TMEM184C: variants seen among roughly 807,000 people sequenced by gnomAD.
TMEM184C encodes the protein transmembrane protein 184C, also known as transmembrane protein 34.
In TMEM184C, 25 loss-of-function variants were observed where a neutral mutation model predicts 54.5. That is an observed-to-expected ratio of 0.46 (90% CI 0.33 to 0.64). The LOEUF (loss-of-function observed/expected upper bound fraction) is 0.64, where lower values mean the gene tolerates loss of function less well. TMEM184C is among the 30% of genes least tolerant of loss of function. The pLI, the probability that TMEM184C is intolerant of heterozygous loss-of-function variation, is 0.02. For synonymous variants in TMEM184C, 148 were observed against 181.5 expected (o/e 0.82, Z 1.49); for missense variants, 335 against 520.3 (o/e 0.64, Z 3.46).
In TMEM184C at chr4:147,631,287, AG is replaced by A. The variant is rs1187573418; in HGVS notation, c.667-105del. 6.7e-6 allele frequency: 5 copies of A among 743,426 alleles called. No individual in the cohort carries two copies. In the African/African-American group the frequency reaches 7.4e-5, roughly 11 times the overall value. 46.1% of individuals were successfully genotyped at this position (743,426 alleles called of 1,614,324 possible). A position where few individuals can be genotyped will look rare whatever the true frequency, so the allele number is the denominator to read the frequency against. The stretch of plus-strand genomic sequence containing the variant: ...AAAATAGAATAATAAAGCCTAGAAA[AG>A]TTTGCCTGAAACATTACTCTGTACC... On this transcript the variant is annotated intron_variant, in intron 6 of 9. Coordinates refer to ENST00000296582, the MANE Select transcript of TMEM184C (RefSeq NM_018241.3).
At chr4:147,623,120 G>A (rs747164469) in intron 1 of TMEM184C, among the ~76,000 whole-genome samples, 5 of 151,852 alleles carry the variant, frequency 3.3e-5, no homozygotes, top group Non-Finnish European at 4.4e-5. Context: ...TTTATCTTTG[G>A]CCCCTGGTAG....
chr4:147,622,593 C>T (rs1053789541), intron 1 of TMEM184C, among the ~76,000 whole-genome samples: 1 of 152,054 alleles, frequency 6.6e-6, no homozygotes, highest in Non-Finnish European at 1.5e-5. Flanking sequence ...CTAATCCCCA[C>T]ATATAAGTGG....
Position 147,629,203 on chromosome 4 carries a change from A to G in TMEM184C, c.573-396A>G, listed in dbSNP as rs534365167. On this transcript the variant is annotated intron_variant, in intron 5 of 9. Coordinates refer to ENST00000296582, the MANE Select transcript of TMEM184C (RefSeq NM_018241.3). ...TACCTCCAAGACAATTGAGGGGAAAAAATTAACAACTACAGTTATATACAC... is the reference window on the plus strand; with the variant it reads ...TACCTCCAAGACAATTGAGGGGAAAGAATTAACAACTACAGTTATATACAC... Among the ~76,000 whole-genome samples, 6 of 152,164 alleles carry G rather than the reference A, an allele frequency of 3.9e-5. No individual in the cohort carries two copies. The East Asian group carries it at 1.2e-3, about 29-fold the overall frequency.
At chr4:147,619,261 G>C (rs1455933836) in intron 1 of TMEM184C, among the ~76,000 whole-genome samples, 2 of 151,530 alleles carry the variant, frequency 1.3e-5, no homozygotes, top group African/African-American at 2.4e-5. Context: ...GCAGTGGCGC[G>C]ATCTTGGCTC....
At chr4:147,626,480 A>G (rs1306896994) in intron 4 of TMEM184C, among the ~76,000 whole-genome samples, 2 of 152,340 alleles carry the variant, frequency 1.3e-5, no homozygotes, top group East Asian at 3.9e-4. Flanking sequence ...GCCAAGGTAA[A>G]TGGAGGTAGA....
intron 1 of TMEM184C, among the ~76,000 whole-genome samples, chr4:147,621,680 T>G (rs1732711827): frequency 6.6e-6 from 1 of 152,140 alleles, no homozygotes; most frequent in Admixed American, 6.5e-5. Context: ...ATAATTAAAA[T>G]TAATGACATT....
rs1048016737 is a variant in TMEM184C at position 147,617,821 on chromosome 4, G to A, written c.-136G>A. 1 of 1,258,654 alleles carries A rather than the reference G, an allele frequency of 7.9e-7. No homozygotes were observed. Among genetic ancestry groups the A allele is most frequent in the African/African-American group, 1.5e-5 (1 of 68,056 alleles). 78.0% of individuals were successfully genotyped at this position (1,258,654 alleles called of 1,614,324 possible). On this transcript the variant is annotated 5_prime_UTR_variant, in exon 1 of 10. Transcript: ENST00000296582. ...ACAGCGCCGGTCCAGGAGGCGGCTC[G>A]AGCTGTTCGTAAAGTCGCCCGACAG...
rs1732786223 is a variant in TMEM184C, at chr4:147,624,969, T to A, written c.457T>A (p.Phe153Ile). ...ILEAKDQQKH[F>I]PPLCCCPPWA... ...TGAAGCCAAAGATCAACAGAAACAT[T>A]TCCCTCCTTTATGTTGCTGTCCACC... Residue 153 changes from phenylalanine to isoleucine, a missense_variant, in exon 4 of 10, where the codon TTC becomes ATC. Phe to Ile is a conservative substitution (Grantham distance 21). Transcript: ENST00000296582. 1.2e-6 allele frequency: 2 copies of A among 1,613,960 alleles called. No homozygotes were observed. Among genetic ancestry groups the A allele is most frequent in the Non-Finnish European group, 1.7e-6 (2 of 1,179,884 alleles).
At chr4:147,629,739 A>G (rs1163215637) in intron 6 of TMEM184C, 47 bp downstream of exon 6, 2 of 1,352,492 alleles carry the variant, frequency 1.5e-6, no homozygotes, top group African/African-American at 1.5e-5. Flanking sequence ...ATTCGTATCT[A>G]TAACTAAATT....
intron 4 of TMEM184C, among the ~76,000 whole-genome samples, chr4:147,627,514 C>T (rs144532703): frequency 0.011 from 1,599 of 152,284 alleles, 40 homozygotes; most frequent in African/African-American, 0.037. Flanking sequence ...AAGTGATCCA[C>T]CTGCCTCGGC....
chr4:147,628,436 G>C lies in TMEM184C; in HGVS notation c.572+1G>C, dbSNP rs370966802. On this transcript the variant is annotated splice_donor_variant, in intron 5 of 9. Coordinates refer to ENST00000296582, the MANE Select transcript of TMEM184C (RefSeq NM_018241.3). LOFTEE classifies it high-confidence loss of function. ...GACCTTTCACCACCATCGTTGCTTTGTAAGTACTCGGATTTTATATGAACT... is the reference window on the plus strand; with the variant it reads ...GACCTTTCACCACCATCGTTGCTTTCTAAGTACTCGGATTTTATATGAACT... The C allele has an allele frequency of 3.1e-6, 5 of 1,612,878 alleles. No individual in the cohort carries two copies. Among genetic ancestry groups the C allele is most frequent in the Non-Finnish European group, 4.2e-6 (5 of 1,179,534 alleles).
intron 4 of TMEM184C, among the ~76,000 whole-genome samples, chr4:147,627,773 T>TA (rs1489517565): frequency 6.8e-6 from 1 of 147,166 alleles, no homozygotes; most frequent in Non-Finnish European, 1.5e-5. Context: ...GGTATGCAGA[T>TA]ATAGTTCCAG....
intron 1 of TMEM184C, among the ~76,000 whole-genome samples, chr4:147,620,125 C>G (rs186315449): frequency 2.0e-5 from 3 of 152,280 alleles, no homozygotes; most frequent in Admixed American, 1.3e-4. Context: ...CCTTTATGTT[C>G]TTCAGGTCTT....
intron 4 of TMEM184C, among the ~76,000 whole-genome samples, chr4:147,625,945 G>A (rs1465881643): frequency 6.6e-6 from 1 of 152,136 alleles, no homozygotes; most frequent in Non-Finnish European, 1.5e-5. Context: ...TTGCTGGGTA[G>A]GGGGAAGCCA....
chr4:147,631,615 C>G, intron 7 of TMEM184C, 110 bp downstream of exon 7: 1 of 746,712 alleles, frequency 1.3e-6, no homozygotes. Flanking sequence ...TAAAATGTCT[C>G]TACTTCTCTT....
intron 1 of TMEM184C, among the ~76,000 whole-genome samples, chr4:147,623,442 A>G (rs1448727230): frequency 1.3e-5 from 2 of 151,794 alleles, no homozygotes; most frequent in African/African-American, 4.8e-5. Context: ...CAAAAAAAAA[A>G]AAAGAAAAAG....
chr4:147,621,974 T>C (rs1306180701), intron 1 of TMEM184C, among the ~76,000 whole-genome samples: 1 of 130,628 alleles, frequency 7.7e-6, no homozygotes, highest in Non-Finnish European at 1.6e-5. Context: ...AATACTTTTT[T>C]TTCTTTTTTT....
rs888030127 is a variant in TMEM184C at position 147,634,515 on chromosome 4, C to T, written c.*81C>T. On this transcript the variant is annotated 3_prime_UTR_variant, in exon 10 of 10. Transcript: ENST00000296582. The stretch of plus-strand genomic sequence containing the variant: ...CATGGATTTTGTGCTTGGGACAGAC[C>T]ATAAATGATGGAAAATGTCAACACA... The T allele has an allele frequency of 1.0e-5, 15 of 1,460,602 alleles. No individual in the cohort carries two copies. The highest frequency in any genetic ancestry group is 1.9e-4 in the Middle Eastern group (1 of 5,188). 90.5% of individuals were successfully genotyped at this position (1,460,602 alleles called of 1,614,324 possible). A position where few individuals can be genotyped will look rare whatever the true frequency, so the allele number is the denominator to read the frequency against.
intron 4 of TMEM184C, among the ~76,000 whole-genome samples, 182 bp downstream of exon 4, chr4:147,625,191 CAT>C (rs764714738): frequency 5.3e-5 from 8 of 152,196 alleles, no homozygotes; most frequent in East Asian, 3.9e-4. Flanking sequence ...TGTAATCCCA[CAT>C]ATATGTTAGT....
Sources: gnomAD v4.1 joint callset for allele counts (sites outside exome capture counted in the v4.1 genomes callset) on GRCh38, gnomAD v4.1.1 for gene constraint, MANE v1.5 for transcripts, NCBI Gene and HGNC (gene_info 2026-07-23, HGNC 2026-07-21) for gene names.